The following DNAH5 variants were observed in gnomAD, a reference collection of about 807,000 sequenced individuals.
The protein encoded by DNAH5 is axonemal beta dynein heavy chain 5.
Under a neutral mutation model 518.2 loss-of-function variants are expected in DNAH5, and 372 were observed. The ratio of observed to expected loss-of-function variants is 0.72; its 90% CI spans 0.66 to 0.78. The LOEUF (loss-of-function observed/expected upper bound fraction) is 0.78. Ranked by LOEUF, DNAH5 falls within the 30% of genes least tolerant of loss-of-function variation. The pLI, the probability that DNAH5 is intolerant of heterozygous loss-of-function variation, is 0.00. For synonymous variants in DNAH5, 2,039 were observed against 2,025.9 expected, an observed-to-expected ratio of 1.01 and a Z score of -0.17; for missense variants, 5,523 against 5,687.0, an observed-to-expected ratio of 0.97 and a Z score of 0.93.
chr5:13,904,649 A>C (rs7702393), intron 12 of DNAH5, among the ~76,000 whole-genome samples: 4,050 of 152,166 alleles, frequency 0.027, 184 homozygotes, highest in African/African-American at 0.091. Context: ...AGTGGCTCAC[A>C]CCTTTAATCC....
chr5:13,976,613 T>C (rs1267004230), intron 1 of DNAH5, among the ~76,000 whole-genome samples: 1 of 151,964 alleles, frequency 6.6e-6, no homozygotes, highest in African/African-American at 2.4e-5. Context: ...TTATTGTTAA[T>C]CTCTTATTGT....
chr5:13,947,032 T>A (rs941037454), upstream of DNAH5, among the ~76,000 whole-genome samples: 5 of 152,218 alleles, frequency 3.3e-5, no homozygotes, highest in Non-Finnish European at 7.3e-5. Flanking sequence ...CATTCTGATT[T>A]CACAGATGTT....
In DNAH5 at chr5:13,883,027, G is replaced by A. The variant is rs1369540681; in HGVS notation, c.3051C>T (p.Ala1017=). ...CAGGGGCCATGACGATGTTGGGAATGGCCAGAGTGACGCTTGCCCGGAAAA... is the reference window on the plus strand; with the variant it reads ...CAGGGGCCATGACGATGTTGGGAATAGCCAGAGTGACGCTTGCCCGGAAAA... The part of the protein sequence containing the change: ...LPIFRASVTL[A]IPNIVMAPAL... The change falls in exon 20 of 79, where the codon GCC becomes GCT. Residue 1017 remains alanine (A), a synonymous_variant. Coordinates refer to ENST00000265104, the MANE Select transcript of DNAH5 (RefSeq NM_001369.3). 5 of 1,614,140 alleles carry A rather than the reference G, an allele frequency of 3.1e-6. No individual in the cohort carries two copies. In the Admixed American group the frequency reaches 6.7e-5, roughly 22 times the overall value.
At chr5:13,770,574 C>G (rs1302649747) in intron 56 of DNAH5, among the ~76,000 whole-genome samples, 175 bp downstream of exon 56, 1 of 152,130 alleles carries the variant, frequency 6.6e-6, no homozygotes, top group East Asian at 1.9e-4. Context: ...GGAAGTTTAG[C>G]AACATCCCTA....
chr5:13,760,090 G>A (rs1751578643), intron 60 of DNAH5, among the ~76,000 whole-genome samples: 1 of 152,090 alleles, frequency 6.6e-6, no homozygotes, highest in South Asian at 2.1e-4. Flanking sequence ...CTGTTCCCAT[G>A]GCTCAAAACA....
At chr5:13,967,185 G>A (rs1781582643) in intron 1 of DNAH5, among the ~76,000 whole-genome samples, 1 of 152,188 alleles carries the variant, frequency 6.6e-6, no homozygotes, top group Admixed American at 6.5e-5. Flanking sequence ...GTTTAATTAA[G>A]TCCCATTTAT....
chr5:13,919,465 A>G, intron 6 of DNAH5, 113 bp from the exon 7 acceptor site: 4 of 1,296,880 alleles, frequency 3.1e-6, no homozygotes, highest in Non-Finnish European at 4.3e-6. Context: ...ATCATGATAT[A>G]TGCGTATTCC....
chr5:13,699,355 G>A (rs1741773682), intron 78 of DNAH5, among the ~76,000 whole-genome samples: 1 of 152,126 alleles, frequency 6.6e-6, no homozygotes. Flanking sequence ...AATGATCTTT[G>A]CATCCCTAGC....
chr5:13,752,226 G>T lies in DNAH5; in HGVS notation c.10936C>A (p.Pro3646Thr). The part of the protein sequence containing the change: ...HLEDSLSLGR[P>T]LLIEDVGEEL... ...TCTCCAACATCTTCAATAAGCAAAG[G>T]CCTTCCAAGAGAAAGGCTGTCTTCC... Residue 3646 changes from proline (P) to threonine (T), a missense_variant, in exon 64 of 79, where the codon CCT (proline) becomes ACT (threonine). Coordinates refer to ENST00000265104, the MANE Select transcript of DNAH5 (RefSeq NM_001369.3). The T allele has an allele frequency of 1.9e-6, 3 of 1,613,946 alleles. No individual in the cohort carries two copies. The highest frequency in any genetic ancestry group is 2.5e-6 in the Non-Finnish European group (3 of 1,179,940).
rs756144788 is a variant in DNAH5, at chr5:13,817,710, C to A, written c.6842-16G>T. The stretch of plus-strand genomic sequence containing the variant: ...TTTCCACAATCTATACCAAGTAAAT[C>A]CAAATTTTAGACATCTCAGATGGGA... On this transcript the variant is annotated splice_polypyrimidine_tract_variant and intron_variant, in intron 41 of 78. Coordinates refer to ENST00000265104, the MANE Select transcript of DNAH5 (RefSeq NM_001369.3). 6.2e-6 allele frequency: 10 copies of A among 1,613,650 alleles called. No homozygotes were observed. The highest frequency in any genetic ancestry group is 1.6e-4 in the Middle Eastern group (1 of 6,084).
intron 60 of DNAH5, 123 bp from the exon 61 acceptor site, chr5:13,759,106 TC>T: frequency 7.8e-7 from 1 of 1,289,106 alleles, no homozygotes; most frequent in East Asian, 2.3e-5. Context: ...CGCTCCAGAA[TC>T]CTTTCAAATC....
At chr5:13,705,232 G>A (rs1212864302) in intron 76 of DNAH5, among the ~76,000 whole-genome samples, 4 of 152,138 alleles carry the variant, frequency 2.6e-5, no homozygotes. Context: ...CTGACCTTGT[G>A]ATCCGCCTGC....
At chr5:13,943,535 T>C (rs1779653455) in intron 1 of DNAH5, among the ~76,000 whole-genome samples, 1 of 152,220 alleles carries the variant, frequency 6.6e-6, no homozygotes, top group South Asian at 2.1e-4. Flanking sequence ...CAGAATGGTC[T>C]TCTAACTCTA....
At chr5:13,844,798 G>C (rs1417873276) in intron 32 of DNAH5, 39 bp downstream of exon 32, 1 of 1,613,630 alleles carries the variant, frequency 6.2e-7, no homozygotes, top group Non-Finnish European at 8.5e-7. Flanking sequence ...AGGTTCGAAG[G>C]TACGGTGATT....
At chr5:13,921,477 A>T (rs374773088) in intron 5 of DNAH5, among the ~76,000 whole-genome samples, 8,337 of 73,326 alleles carry the variant, frequency 0.11, 295 homozygotes, top group Non-Finnish European at 0.14. Flanking sequence ...TCTCTCTCTC[A>T]CACACACACA....
chr5:13,728,337 T>C (rs1182419515), intron 69 of DNAH5, among the ~76,000 whole-genome samples: 1 of 152,212 alleles, frequency 6.6e-6, no homozygotes, highest in Non-Finnish European at 1.5e-5. Context: ...ATAAATATCA[T>C]CTTATGTTAT....
chr5:13,793,494 C>G, intron 49 of DNAH5, 21 bp downstream of exon 49: 1 of 1,602,552 alleles, frequency 6.2e-7, no homozygotes, highest in Non-Finnish European at 8.6e-7. Flanking sequence ...CCCTCCCACC[C>G]CACATCCTCT....
chr5:13,739,483 C>A (rs1453810724), intron 65 of DNAH5, among the ~76,000 whole-genome samples: 1 of 152,088 alleles, frequency 6.6e-6, no homozygotes, highest in Non-Finnish European at 1.5e-5. Flanking sequence ...AACTGTGAGT[C>A]AATTAAACCT....
At chr5:13,855,848 A>T (rs2151893655) in intron 30 of DNAH5, among the ~76,000 whole-genome samples, 1 of 152,366 alleles carries the variant, frequency 6.6e-6, no homozygotes, top group Admixed American at 6.5e-5. Flanking sequence ...AAACTCACTC[A>T]AAATTGCACA....
Sources: gnomAD v4.1 joint callset for allele counts (sites outside exome capture counted in the v4.1 genomes callset) on GRCh38, gnomAD v4.1.1 for gene constraint, MANE v1.5 for transcripts, NCBI Gene and HGNC (gene_info 2026-07-23, HGNC 2026-07-21) for gene names.